The following TANGO6 variants were observed in gnomAD, a reference collection of about 807,000 sequenced individuals.
TANGO6 encodes transport and golgi organization 6 homolog.
In TANGO6, 90 loss-of-function variants were observed where a neutral mutation model predicts 114.2. That is an observed-to-expected ratio of 0.79 (90% CI 0.66 to 0.94). TANGO6 has a LOEUF of 0.94. TANGO6 is among the 40% of genes least tolerant of loss of function. The pLI, the probability that TANGO6 is intolerant of heterozygous loss-of-function variation, is 0.00. For missense variants in TANGO6, 1,274 were observed against 1,315.3 expected (o/e 0.97, Z 0.49); for synonymous variants, 477 against 509.8 (o/e 0.94, Z 0.87).
chr16:68,910,092 C>G (rs778079684), intron 11 of TANGO6, among the ~76,000 whole-genome samples: 22 of 152,150 alleles, frequency 1.4e-4, no homozygotes, highest in Non-Finnish European at 3.1e-4. Context: ...CAGATTTTAC[C>G]ACTTAACCAG....
At chr16:69,062,414 T>G (rs1327874783) in intron 17 of TANGO6, among the ~76,000 whole-genome samples, 2 of 152,124 alleles carry the variant, frequency 1.3e-5, no homozygotes, top group African/African-American at 2.4e-5. Flanking sequence ...GAGCATCTTA[T>G]TATTATTAGA....
chr16:68,951,600 A>G (rs960168649), intron 14 of TANGO6, among the ~76,000 whole-genome samples: 1 of 147,298 alleles, frequency 6.8e-6, no homozygotes, highest in Admixed American at 6.8e-5. Flanking sequence ...TCACAACACC[A>G]TGGCCTCTGT....
At chr16:68,975,730 T>A (rs760017512) in intron 15 of TANGO6, among the ~76,000 whole-genome samples, 22 of 151,616 alleles carry the variant, frequency 1.5e-4, no homozygotes, top group Admixed American at 5.3e-4. Flanking sequence ...GTTAATTTTC[T>A]ATTTTTTGTA....
chr16:68,993,461 G>A lies in TANGO6; in HGVS notation c.2842+19293G>A, dbSNP rs1241970943. Among the ~76,000 whole-genome samples the A allele has an allele frequency of 3.3e-5, 5 of 152,192 alleles. No homozygotes were observed. The South Asian group carries it at 6.2e-4, about 19-fold the overall frequency. ...GATTTTTGCATTCATTTTGACTTAC[G>A]GACTTGCAAGAGAGTAAACCAACAG... is the stretch of plus-strand genomic sequence containing the variant. On this transcript the variant is annotated intron_variant, in intron 15 of 17. Transcript: ENST00000261778.
intron 12 of TANGO6, among the ~76,000 whole-genome samples, chr16:68,924,595 C>A (rs1464528030): frequency 6.6e-6 from 1 of 151,898 alleles, no homozygotes; most frequent in Non-Finnish European, 1.5e-5. Flanking sequence ...CGAGACCAGC[C>A]TGGCCAAAAT....
intron 2 of TANGO6, among the ~76,000 whole-genome samples, chr16:68,861,046 T>C (rs967246620): frequency 5.9e-5 from 9 of 152,190 alleles, no homozygotes; most frequent in African/African-American, 2.2e-4. Context: ...CCATTTTTGC[T>C]GTCACTCAGT....
chr16:69,028,836 C>T (rs959641768), intron 16 of TANGO6, among the ~76,000 whole-genome samples: 2 of 136,072 alleles, frequency 1.5e-5, no homozygotes, highest in African/African-American at 2.8e-5. Flanking sequence ...TATAGGCACA[C>T]ACCACCATGC....
intron 16 of TANGO6, chr16:69,026,823 A>T (rs1959509540): frequency 6.6e-6 from 1 of 152,276 alleles, no homozygotes; most frequent in South Asian, 2.1e-4. Context: ...GGATGAGAGG[A>T]TCAAATCTGA....
intron 1 of TANGO6, among the ~76,000 whole-genome samples, chr16:68,845,807 T>C (rs904643166): frequency 1.3e-5 from 2 of 152,050 alleles, no homozygotes; most frequent in Non-Finnish European, 2.9e-5. Flanking sequence ...ATTACACTAG[T>C]GTGCTCCGGC....
chr16:68,964,733 AT>A (rs952396921), intron 14 of TANGO6, among the ~76,000 whole-genome samples: 22 of 145,562 alleles, frequency 1.5e-4, no homozygotes, highest in African/African-American at 3.0e-4. Context: ...TGCACAGCTA[AT>A]TTTTTTTTTT....
chr16:68,989,735 A>T (rs570638556), intron 15 of TANGO6, among the ~76,000 whole-genome samples: 1 of 152,332 alleles, frequency 6.6e-6, no homozygotes, highest in South Asian at 2.1e-4. Flanking sequence ...AATACCCTGA[A>T]CAGTGTTAAA....
At chr16:68,969,551 A>G (rs1432807880) in intron 14 of TANGO6, among the ~76,000 whole-genome samples, 1 of 152,162 alleles carries the variant, frequency 6.6e-6, no homozygotes, top group Non-Finnish European at 1.5e-5. Context: ...ACAGGCCAGC[A>G]GGAAGATAAA....
At chr16:68,933,471 A>C (rs141082156) in intron 14 of TANGO6, among the ~76,000 whole-genome samples, 40 of 152,284 alleles carry the variant, frequency 2.6e-4, no homozygotes, top group African/African-American at 9.6e-4. Context: ...AACACCAATC[A>C]TTTATTATCA....
Position 68,910,536 on chromosome 16 carries a change from C to A in TANGO6, c.1992+1134C>A, listed in dbSNP as rs1962908236. 2.6e-5 allele frequency among the ~76,000 whole-genome samples: 4 copies of A among 152,146 alleles called. No individual in the cohort carries two copies. The South Asian group carries it at 8.3e-4, about 32-fold the overall frequency. On this transcript the variant is annotated intron_variant, in intron 11 of 17. Coordinates refer to ENST00000261778, the MANE Select transcript of TANGO6 (RefSeq NM_024562.2). ...ACTCCTAATTAAGGAACAATGGTGT[C>A]AGGCTGGTAGAAAAATGATTTGTCC...
chr16:69,078,449 C>T (rs1960420055), intron 17 of TANGO6, among the ~76,000 whole-genome samples: 1 of 152,178 alleles, frequency 6.6e-6, no homozygotes, highest in African/African-American at 2.4e-5. Flanking sequence ...GCTTGTTACC[C>T]GCTGAATTAA....
At chr16:68,875,483 G>A (rs1487192091) in intron 5 of TANGO6, among the ~76,000 whole-genome samples, 193 bp downstream of exon 5, 1 of 151,944 alleles carries the variant, frequency 6.6e-6, no homozygotes, top group African/African-American at 2.4e-5. Flanking sequence ...TAAGAATGAC[G>A]AGGCCAGGCG....
chr16:69,052,422 C>T (rs1186099061), intron 17 of TANGO6, among the ~76,000 whole-genome samples: 1 of 151,950 alleles, frequency 6.6e-6, no homozygotes, highest in Non-Finnish European at 1.5e-5. Flanking sequence ...GCACACACCA[C>T]CACACCCAGC....
rs1263273663 is a variant in TANGO6 at position 69,010,079 on chromosome 16, A to T, written c.2843-12749A>T. 3.3e-5 allele frequency among the ~76,000 whole-genome samples: 5 copies of T among 152,180 alleles called. No homozygotes were observed. In the East Asian group the frequency reaches 9.6e-4, roughly 29 times the overall value. ...TAGAAAGTTTTCAATCATTCTGTGT[A>T]TCATCTTATCATTCTATTTGCTACC... is the stretch of plus-strand genomic sequence containing the variant. On this transcript the variant is annotated intron_variant, in intron 15 of 17. Transcript: ENST00000261778.
intron 14 of TANGO6, among the ~76,000 whole-genome samples, chr16:68,970,777 T>C (rs1204584493): frequency 6.6e-6 from 1 of 152,170 alleles, no homozygotes; most frequent in Non-Finnish European, 1.5e-5. Flanking sequence ...ATCCCATTTT[T>C]CCACTGTTTT....
Sources: gnomAD v4.1 joint callset for allele counts (sites outside exome capture counted in the v4.1 genomes callset) on GRCh38, gnomAD v4.1.1 for gene constraint, MANE v1.5 for transcripts, NCBI Gene and HGNC (gene_info 2026-07-23, HGNC 2026-07-21) for gene names.